SUMF1: variants seen among roughly 807,000 people sequenced by gnomAD.
The protein encoded by SUMF1 is formylglycine-generating enzyme.
Under a neutral mutation model 47.6 loss-of-function variants are expected in SUMF1, and 48 were observed. That is an observed-to-expected ratio of 1.01 (90% CI 0.80 to 1.28). The LOEUF is 1.28. SUMF1 is among the 50% of genes most tolerant of loss of function. The pLI is 0.00. For missense variants in SUMF1, 571 were observed against 485.4 expected (o/e 1.18, Z -1.66); for synonymous variants, 230 against 192.1 (o/e 1.20, Z -1.63).
At chr3:4,459,113 G>A (rs1222652432) in intron 1 of SUMF1, among the ~76,000 whole-genome samples, 1 of 152,126 alleles carries the variant, frequency 6.6e-6, no homozygotes, top group Non-Finnish European at 1.5e-5. Context: ...ATTAGCTTTA[G>A]TGATGTATTG....
intron 9 of SUMF1, among the ~76,000 whole-genome samples, chr3:4,056,301 G>A (rs1574848186): frequency 6.6e-6 from 1 of 152,190 alleles, no homozygotes; most frequent in East Asian, 1.9e-4. Flanking sequence ...CTCTATTAGA[G>A]CTCCTGCTAT....
intron 8 of SUMF1, among the ~76,000 whole-genome samples, chr3:4,094,321 T>C (rs140442689): frequency 6.6e-6 from 1 of 151,990 alleles, no homozygotes; most frequent in Non-Finnish European, 1.5e-5. Context: ...GCACTGGAGA[T>C]AGAAAGATGG....
At chr3:4,082,941 G>A (rs1360648917) in intron 8 of SUMF1, among the ~76,000 whole-genome samples, 1 of 152,138 alleles carries the variant, frequency 6.6e-6, no homozygotes, top group Non-Finnish European at 1.5e-5. Context: ...GCAGATAAAC[G>A]ACCAGAGTGG....
intron 8 of SUMF1, among the ~76,000 whole-genome samples, chr3:4,305,722 C>T (rs1413746993): frequency 6.6e-6 from 1 of 152,104 alleles, no homozygotes; most frequent in Non-Finnish European, 1.5e-5. Flanking sequence ...ATTAAAACTC[C>T]TCTGATGAGA....
chr3:4,299,382 T>C (rs1029130000), intron 8 of SUMF1, among the ~76,000 whole-genome samples: 3 of 152,216 alleles, frequency 2.0e-5, no homozygotes, highest in East Asian at 3.8e-4. Context: ...TAATCTCAAG[T>C]GAAGCTAATG....
At chr3:4,077,577 G>A (rs557682225) in intron 8 of SUMF1, among the ~76,000 whole-genome samples, 2 of 152,186 alleles carry the variant, frequency 1.3e-5, no homozygotes, top group East Asian at 1.9e-4. Context: ...AACACTGCAT[G>A]TTCTCACTCA....
intron 8 of SUMF1, chr3:4,317,429 TC>T (rs1698709507): frequency 3.6e-6 from 2 of 554,286 alleles, no homozygotes; most frequent in Non-Finnish European, 6.3e-6. Flanking sequence ...ACAACTGTAA[TC>T]CCAGCACTTT....
rs1697092401 is a variant in SUMF1 at position 4,261,790 on chromosome 3, T to C, written c.1014+114540A>G. On this transcript the variant is annotated intron_variant and NMD_transcript_variant, in intron 8 of 12. Coordinates refer to the SUMF1 transcript ENST00000448413. ...GACCAGCATCAGTGCCACGTACAGA[T>C]TTCTCCCAAAGGCCCCACAACTAGT... Among the ~76,000 whole-genome samples, 4 of 152,164 alleles carry C rather than the reference T, an allele frequency of 2.6e-5. No homozygotes were observed. In the South Asian group the frequency reaches 8.3e-4, roughly 32 times the overall value.
At chr3:4,110,017 C>G (rs1693255314) in intron 8 of SUMF1, among the ~76,000 whole-genome samples, 1 of 152,054 alleles carries the variant, frequency 6.6e-6, no homozygotes, top group Non-Finnish European at 1.5e-5. Context: ...TTTAGAGTTT[C>G]CAGTTTTTCT....
At chr3:4,219,054 A>C (rs1696004722) in intron 8 of SUMF1, among the ~76,000 whole-genome samples, 1 of 152,078 alleles carries the variant, frequency 6.6e-6, no homozygotes, top group South Asian at 2.1e-4. Context: ...TTCCTCCCGC[A>C]AACAGCAGTA....
chr3:4,465,162 G>A (rs551216960), intron 1 of SUMF1, among the ~76,000 whole-genome samples: 6 of 152,312 alleles, frequency 3.9e-5, no homozygotes, highest in Middle Eastern at 3.4e-3. Flanking sequence ...ATAAACAGAT[G>A]TAAGGATTTC....
chr3:4,453,179 C>CG (rs1559309817), intron 1 of SUMF1, 130 bp from the exon 2 acceptor site: 2 of 923,330 alleles, frequency 2.2e-6, no homozygotes, highest in East Asian at 2.6e-5. Flanking sequence ...CTGTAAAATT[C>CG]GGAAAAATCT....
intron 8 of SUMF1, among the ~76,000 whole-genome samples, chr3:4,135,954 C>G (rs1203581386): frequency 2.6e-5 from 4 of 152,056 alleles, no homozygotes; most frequent in African/African-American, 9.7e-5. Context: ...AACTGCAAAC[C>G]ACTGCTCAAT....
chr3:4,404,684 A>T (rs896560184), intron 7 of SUMF1, among the ~76,000 whole-genome samples: 1 of 152,214 alleles, frequency 6.6e-6, no homozygotes, highest in African/African-American at 2.4e-5. Flanking sequence ...GAATCGCTTG[A>T]ACCCAGGAGG....
intron 8 of SUMF1, among the ~76,000 whole-genome samples, chr3:4,129,137 T>A (rs1693726994): frequency 6.6e-6 from 1 of 152,158 alleles, no homozygotes; most frequent in African/African-American, 2.4e-5. Flanking sequence ...CACTTGCATC[T>A]TTGAAGAGCC....
At chr3:4,443,581 T>C (rs1357112173) in intron 3 of SUMF1, among the ~76,000 whole-genome samples, 1 of 151,848 alleles carries the variant, frequency 6.6e-6, no homozygotes, top group Non-Finnish European at 1.5e-5. Flanking sequence ...CTGGGCAAAA[T>C]AGTGAGACAT....
chr3:4,366,109 T>C (rs1372773495), intron 8 of SUMF1, among the ~76,000 whole-genome samples: 1 of 151,974 alleles, frequency 6.6e-6, no homozygotes, highest in East Asian at 1.9e-4. Context: ...TGGGCTTCCC[T>C]TCGTGGGTAA....
At chr3:4,240,666 A>C (rs1696515764) in intron 8 of SUMF1, among the ~76,000 whole-genome samples, 2 of 152,184 alleles carry the variant, frequency 1.3e-5, no homozygotes, top group South Asian at 4.1e-4. Context: ...CAAAAATTAC[A>C]AGAAAAATTA....
intron 8 of SUMF1, among the ~76,000 whole-genome samples, chr3:4,079,579 C>T (rs1340033476): frequency 6.6e-6 from 1 of 151,592 alleles, no homozygotes; most frequent in Non-Finnish European, 1.5e-5. Context: ...TAAGTTTGCA[C>T]TAAATCTATC....
Sources: allele counts gnomAD v4.1 joint callset (sites outside exome capture counted in the v4.1 genomes callset), GRCh38; gene constraint gnomAD v4.1.1; transcripts MANE v1.5; gene names NCBI Gene and HGNC (gene_info 2026-07-23, HGNC 2026-07-21).